Variants in NLRC5 observed in about 807,000 individuals in gnomAD.
The protein encoded by NLRC5 is NLR family CARD domain containing 5.
NLRC5 carries 114 observed loss-of-function variants against 206.9 expected under a neutral mutation model. The observed-to-expected ratio is 0.55, with a 90% confidence interval of 0.47 to 0.64. The LOEUF (loss-of-function observed/expected upper bound fraction) is 0.64, where lower values mean the gene tolerates loss of function less well. NLRC5 is among the 30% of genes least tolerant of loss of function. NLRC5 has a pLI of 0.00. For synonymous variants in NLRC5, 952 were observed against 962.8 expected (o/e 0.99, Z 0.21); for missense variants, 2,008 against 2,305.5 (o/e 0.87, Z 2.64).
At chr16:57,048,101 A>T (rs148423861) in intron 23 of NLRC5, 1 of 159,936 alleles carries the variant, frequency 6.3e-6, no homozygotes, top group African/African-American at 2.4e-5. Flanking sequence ...CTCAAAAGGG[A>T]TTTAACTCCC....
At chr16:56,999,517 G>A (rs554604936) in intron 1 of NLRC5, among the ~76,000 whole-genome samples, 2 of 152,354 alleles carry the variant, frequency 1.3e-5, no homozygotes, top group South Asian at 4.1e-4. Flanking sequence ...ACTCCTCTGG[G>A]ACATTCCTGC....
chr16:57,047,799 C>A (rs999438096), intron 23 of NLRC5, 171 bp downstream of exon 23: 1 of 634,286 alleles, frequency 1.6e-6, no homozygotes, highest in Non-Finnish European at 2.8e-6. Flanking sequence ...CTCTCGGCAG[C>A]CCCCAGCCTT....
At chr16:57,013,970 C>G in intron 1 of NLRC5, 1 of 423,624 alleles carries the variant, frequency 2.4e-6, no homozygotes, top group South Asian at 2.1e-5. Flanking sequence ...TACTAAATCC[C>G]TTAAGGGAAG....
intron 15 of NLRC5, among the ~76,000 whole-genome samples, chr16:57,038,481 C>G (rs1368224747): frequency 6.6e-6 from 1 of 152,140 alleles, no homozygotes; most frequent in Non-Finnish European, 1.5e-5. Flanking sequence ...TGTTCTCAAA[C>G]TCCCGAGCTC....
chr16:57,019,451 A>G (rs1352307820), intron 2 of NLRC5, among the ~76,000 whole-genome samples: 1 of 152,190 alleles, frequency 6.6e-6, no homozygotes. Context: ...AAAAGAGGTG[A>G]TGGTCTGTGT....
In NLRC5 at chr16:57,082,607, T is replaced by A; in HGVS notation, c.*79T>A. 1 of 1,053,968 alleles carries A rather than the reference T, an allele frequency of 9.5e-7. No homozygotes were observed. Among genetic ancestry groups the A allele is most frequent in the Admixed American group, 2.0e-5 (1 of 50,374 alleles). 65.3% of individuals were successfully genotyped at this position (1,053,968 alleles called of 1,614,324 possible). On this transcript the variant is annotated 3_prime_UTR_variant, in exon 49 of 49. Transcript: ENST00000688547. ...CCTTTCGCCCACTGGGATAATTGAC[T>A]CAGGAAAGAAGAGCCTCGGCAGGGC... is the stretch of plus-strand genomic sequence containing the variant.
At chr16:57,076,454 G>C (rs55854556) in intron 39 of NLRC5, among the ~76,000 whole-genome samples, 26,167 of 152,260 alleles carry the variant, frequency 0.17, 2,670 homozygotes, top group African/African-American at 0.28. Context: ...CCACGTGAAA[G>C]TGGCATTCAG....
chr16:57,017,962 T>C (rs1461027489), intron 2 of NLRC5, among the ~76,000 whole-genome samples: 5 of 152,240 alleles, frequency 3.3e-5, no homozygotes, highest in Non-Finnish European at 7.3e-5. Context: ...TGACTGATAA[T>C]GATGCCATGT....
rs567629678 is a variant in NLRC5 at position 57,045,399 on chromosome 16, A to G, written c.3204-49A>G. 22 of 1,607,576 alleles carry G rather than the reference A, an allele frequency of 1.4e-5. No individual in the cohort carries two copies. The African/African-American group carries it at 2.3e-4, about 17-fold the overall frequency. On this transcript the variant is annotated intron_variant, in intron 20 of 48. Coordinates refer to ENST00000688547, the MANE Select transcript of NLRC5 (RefSeq NM_001384950.1). ...GTCTGGGTTCTTGCCACTGCCAGGG[A>G]AGTTGGTCTTTGACCATTTTCAAAC...
In NLRC5 at chr16:57,081,260, G is replaced by T. The variant is rs1367411485; in HGVS notation, c.5405+79G>T. On this transcript the variant is annotated intron_variant, in intron 47 of 48. Coordinates refer to ENST00000688547, the MANE Select transcript of NLRC5 (RefSeq NM_001384950.1). The stretch of plus-strand genomic sequence containing the variant: ...GGAACACCAAGAGGCCACTGGGTCA[G>T]TCCCCTGCCTCCCAGAAAGCCCTTC... 1.4e-5 allele frequency: 19 copies of T among 1,359,794 alleles called. No individual in the cohort carries two copies. In the African/African-American group the frequency reaches 2.7e-4, roughly 20 times the overall value. The allele number at this position is 1,359,794 out of a possible 1,614,324, so 84.2% of individuals were successfully genotyped here. A position where few individuals can be genotyped will look rare whatever the true frequency, so the allele number is the denominator to read the frequency against.
intron 43 of NLRC5, 131 bp downstream of exon 43, chr16:57,078,151 T>A (rs2068652228): frequency 1.5e-6 from 1 of 648,712 alleles, no homozygotes; most frequent in East Asian, 3.1e-5. Flanking sequence ...CCCACTCTCC[T>A]GCCTGTTCCT....
intron 8 of NLRC5, 42 bp downstream of exon 8, chr16:57,028,427 C>G: frequency 6.6e-7 from 1 of 1,510,122 alleles, no homozygotes; most frequent in Non-Finnish European, 9.2e-7. Context: ...GGGAGATGAG[C>G]CACTGCCCAG....
intron 6 of NLRC5, among the ~76,000 whole-genome samples, 169 bp downstream of exon 6, chr16:57,027,187 A>G (rs2061343217): frequency 6.6e-6 from 1 of 152,218 alleles, no homozygotes; most frequent in Non-Finnish European, 1.5e-5. Context: ...GGACCTCTGG[A>G]GTCCAAATGG....
chr16:57,067,657 T>G, intron 35 of NLRC5, 79 bp from the exon 36 acceptor site: 1 of 1,466,388 alleles, frequency 6.8e-7, no homozygotes, highest in South Asian at 1.1e-5. Flanking sequence ...TCTCCTCTCT[T>G]GGCACCCCCT....
At position 57,061,664 on chromosome 16, in the gene NLRC5, A is replaced by G. The variant is rs1364518908; in HGVS notation, c.4117A>G (p.Ser1373Gly). 1 of 1,609,924 alleles carries G rather than the reference A, an allele frequency of 6.2e-7. No individual in the cohort carries two copies. Among genetic ancestry groups the G allele is most frequent in the Non-Finnish European group, 8.5e-7 (1 of 1,179,262 alleles). Reference sequence around the variant, plus strand: ...CCAGAAGCAGCTGGCCATCCTCCTGAGCTTGGTGGGGCGACCCGCAGGGCT... The same window carrying G: ...CCAGAAGCAGCTGGCCATCCTCCTGGGCTTGGTGGGGCGACCCGCAGGGCT... ...LGQKQLAILL[S>G]LVGRPAGLFS... Residue 1373 changes from serine to glycine, a missense_variant, in exon 32 of 49, where the codon AGC becomes GGC. Physicochemically the swap from Ser to Gly is moderately conservative, Grantham distance 56 (BLOSUM62 0). Coordinates refer to ENST00000688547, the MANE Select transcript of NLRC5 (RefSeq NM_001384950.1).
chr16:57,042,608 A>G (rs11859012), intron 19 of NLRC5, among the ~76,000 whole-genome samples: 12,970 of 151,162 alleles, frequency 0.086, 1,100 homozygotes, highest in African/African-American at 0.22. Flanking sequence ...CTCACAAAGC[A>G]CCCCCTCCTC....
chr16:57,017,167 C>T lies in NLRC5; in HGVS notation c.-34C>T, dbSNP rs1310047010. On this transcript the variant is annotated 5_prime_UTR_variant, in exon 2 of 49. Transcript: ENST00000688547. ...CCTCTCCGTGGGGACCCTAGAGCAC[C>T]TATCATGAACGAGGAGACCAAGTAG... The T allele has an allele frequency of 6.5e-6, 1 of 152,730 alleles. No homozygotes were observed. The allele number at this position is 152,730 out of a possible 1,614,324, so 9.5% of individuals were successfully genotyped here. A position where few individuals can be genotyped will look rare whatever the true frequency, so the allele number is the denominator to read the frequency against.
rs1194389622 is a variant in NLRC5 at position 57,059,468 on chromosome 16, C to G, written c.3922C>G (p.Leu1308Val). ...TTCCCCAGGCCCTTCTCTCTGCAGC[C>G]TGGGCTCTGAGCAGAGCTTCCGGAT... is the stretch of plus-strand genomic sequence containing the variant. ...CPRVREASVN[L>V]GSEQSFRIHF... The change falls in exon 30 of 49, where the codon CTG becomes GTG. Residue 1308 changes from leucine to valine, a missense_variant and splice_region_variant. Leu to Val is a conservative substitution (Grantham distance 32). Coordinates refer to ENST00000688547, the MANE Select transcript of NLRC5 (RefSeq NM_001384950.1). 1.9e-6 allele frequency: 3 copies of G among 1,608,022 alleles called. No individual in the cohort carries two copies. Among genetic ancestry groups the G allele is most frequent in the Admixed American group, 3.4e-5 (2 of 59,162 alleles).
chr16:57,052,316 T>A (rs1175752540), intron 24 of NLRC5, among the ~76,000 whole-genome samples: 1 of 151,942 alleles, frequency 6.6e-6, no homozygotes, highest in Non-Finnish European at 1.5e-5. Flanking sequence ...CTACTAAAAA[T>A]ACAAAAATTA....
Sources: allele counts gnomAD v4.1 joint callset (sites outside exome capture counted in the v4.1 genomes callset), GRCh38; gene constraint gnomAD v4.1.1; transcripts MANE v1.5; gene names NCBI Gene and HGNC (gene_info 2026-07-23, HGNC 2026-07-21).